Variants in ARIH2 observed in about 807,000 individuals in gnomAD.
ARIH2 encodes the protein E3 ubiquitin-protein ligase ARIH2.
In ARIH2, 12 loss-of-function variants were observed where a neutral mutation model predicts 79.8. That is an observed-to-expected ratio of 0.15 (90% confidence interval 0.10 to 0.24). The LOEUF (loss-of-function observed/expected upper bound fraction) is 0.24, where lower values mean the gene tolerates loss of function less well. ARIH2 is among the 10% of genes least tolerant of loss of function. The pLI is 1.00. For missense variants in ARIH2, 301 were observed against 618.3 expected (o/e 0.49, Z 5.44); for synonymous variants, 224 against 213.9 (o/e 1.05, Z -0.41).
Position 48,983,322 on chromosome 3 carries a change from G to A in ARIH2, c.*52G>A, listed in dbSNP as rs538713967. 34 of 1,579,188 alleles carry A rather than the reference G, an allele frequency of 2.2e-5. No individual in the cohort carries two copies. In the South Asian group the frequency reaches 2.8e-4, roughly 13 times the overall value. ...GGAAGATGTGGCTGCAAGGTCTCCC[G>A]GCTGCCATACTGCATGCTGCAGGCT... On this transcript the variant is annotated 3_prime_UTR_variant, in exon 16 of 16. Transcript: ENST00000356401.
chr3:48,947,948 AT>A (rs2089419950), intron 3 of ARIH2, among the ~76,000 whole-genome samples: 1 of 151,688 alleles, frequency 6.6e-6, no homozygotes, highest in African/African-American at 2.4e-5. Context: ...TTTTTATTTT[AT>A]TTTTATTTTT....
intron 3 of ARIH2, among the ~76,000 whole-genome samples, chr3:48,932,929 A>T (rs1025540550): frequency 1.3e-5 from 2 of 152,130 alleles, no homozygotes; most frequent in African/African-American, 4.8e-5. Context: ...CCACAGGGCA[A>T]TGGGCATGGG....
chr3:48,938,117 C>T (rs1438246425), intron 3 of ARIH2, among the ~76,000 whole-genome samples: 1 of 151,156 alleles, frequency 6.6e-6, no homozygotes, highest in African/African-American at 2.4e-5. Context: ...CCAGGTTGGC[C>T]AGGCTGTCCT....
Position 48,983,490 on chromosome 3 carries a change from G to A in ARIH2, c.*220G>A. 1 of 575,420 alleles carries A rather than the reference G, an allele frequency of 1.7e-6. No individual in the cohort carries two copies. The highest frequency in any genetic ancestry group is 3.1e-6 in the Non-Finnish European group (1 of 324,912). 35.6% of individuals were successfully genotyped at this position (575,420 alleles called of 1,614,324 possible). ...GCCATGTTGAACTGGCCTCTTTTCA[G>A]GACTTTTATTTCCCCCTGGATGGTT... On this transcript the variant is annotated 3_prime_UTR_variant, in exon 16 of 16. Coordinates refer to ENST00000356401, the MANE Select transcript of ARIH2 (RefSeq NM_006321.4).
At chr3:48,959,272 C>A (rs1363886365) in intron 3 of ARIH2, among the ~76,000 whole-genome samples, 1 of 140,748 alleles carries the variant, frequency 7.1e-6, no homozygotes, top group Non-Finnish European at 1.5e-5. Context: ...GCCGAGATTG[C>A]ACCACTGCAC....
intron 3 of ARIH2, among the ~76,000 whole-genome samples, chr3:48,938,877 A>G (rs911355000): frequency 1.4e-5 from 2 of 142,676 alleles, no homozygotes; most frequent in Non-Finnish European, 3.0e-5. Flanking sequence ...AGCTGTATAT[A>G]GACTAGTCAT....
intron 3 of ARIH2, among the ~76,000 whole-genome samples, chr3:48,959,404 ATGTCT>A (rs2090998305): frequency 2.6e-5 from 4 of 151,844 alleles, no homozygotes; most frequent in Non-Finnish European, 1.5e-5. Flanking sequence ...TTTAAACAAG[ATGTCT>A]TGTCTCTCTT....
intron 12 of ARIH2, chr3:48,979,987 C>T (rs905042121): frequency 4.1e-6 from 1 of 241,992 alleles, no homozygotes; most frequent in Non-Finnish European, 7.8e-6. Context: ...CAATCTGTTC[C>T]CATAGTATCA....
chr3:48,969,386 C>G (rs2092028268), intron 7 of ARIH2, among the ~76,000 whole-genome samples: 1 of 152,104 alleles, frequency 6.6e-6, no homozygotes, highest in South Asian at 2.1e-4. Context: ...GAAAACTTGT[C>G]CAGGATTCAG....
At chr3:48,956,439 C>CT (rs34693818) in intron 3 of ARIH2, among the ~76,000 whole-genome samples, 1,582 of 36,224 alleles carry the variant, frequency 0.044, 422 homozygotes, top group Middle Eastern at 0.12. Flanking sequence ...GCGCCCGGCA[C>CT]TTTTTTTTTT....
chr3:48,957,456 C>A (rs906461671), intron 3 of ARIH2, among the ~76,000 whole-genome samples: 1 of 152,180 alleles, frequency 6.6e-6, no homozygotes, highest in African/African-American at 2.4e-5. Flanking sequence ...TCAACCCTGA[C>A]CCCTGTTCTT....
chr3:48,939,770 AAAAAAAC>A (rs2087779421), intron 3 of ARIH2, among the ~76,000 whole-genome samples: 1 of 148,186 alleles, frequency 6.7e-6, no homozygotes, highest in East Asian at 1.9e-4. Flanking sequence ...AAAAAAAAAA[AAAAAAAC>A]AAAAACAAAA....
At chr3:48,932,207 G>T (rs1299347029) in intron 3 of ARIH2, among the ~76,000 whole-genome samples, 1 of 152,092 alleles carries the variant, frequency 6.6e-6, no homozygotes, top group South Asian at 2.1e-4. Flanking sequence ...CTGTTAGTGT[G>T]GTGGGGAAGC....
chr3:48,952,042 A>G (rs1231884620), intron 3 of ARIH2, among the ~76,000 whole-genome samples: 1 of 152,088 alleles, frequency 6.6e-6, no homozygotes, highest in Non-Finnish European at 1.5e-5. Context: ...TCTTTATGTC[A>G]TTGATTTTTG....
At chr3:48,977,196 C>T (rs1202311510) in intron 11 of ARIH2, among the ~76,000 whole-genome samples, 2 of 151,882 alleles carry the variant, frequency 1.3e-5, no homozygotes, top group Admixed American at 6.6e-5. Flanking sequence ...AGTGAGACTC[C>T]GTCTCAAAAA....
At chr3:48,931,560 A>AT (rs71627358) in intron 3 of ARIH2, among the ~76,000 whole-genome samples, 2 of 151,338 alleles carry the variant, frequency 1.3e-5, no homozygotes, top group Non-Finnish European at 2.9e-5. Context: ...AAAAAAAAAA[A>AT]GAGAAAAAAT....
intron 7 of ARIH2, among the ~76,000 whole-genome samples, chr3:48,970,274 C>A (rs1263522474): frequency 6.6e-6 from 1 of 152,154 alleles, no homozygotes; most frequent in Admixed American, 6.5e-5. Flanking sequence ...TCACTGCAGC[C>A]TGAAATTTCA....
chr3:48,971,836 C>T (rs188685475), intron 8 of ARIH2, among the ~76,000 whole-genome samples: 20 of 152,318 alleles, frequency 1.3e-4, no homozygotes, highest in Admixed American at 1.2e-3. Flanking sequence ...GTTCTTTATC[C>T]TTGTGTCCCA....
chr3:48,963,149 A>G (rs918338814), intron 4 of ARIH2, among the ~76,000 whole-genome samples: 1 of 152,234 alleles, frequency 6.6e-6, no homozygotes, highest in African/African-American at 2.4e-5. Context: ...CAGTCAGGAA[A>G]GAGCAAATTC....
Sources: gnomAD v4.1 joint callset for allele counts (sites outside exome capture counted in the v4.1 genomes callset) on GRCh38, gnomAD v4.1.1 for gene constraint, MANE v1.5 for transcripts, NCBI Gene and HGNC (gene_info 2026-07-23, HGNC 2026-07-21) for gene names.